Variants in FBXL17 observed in about 807,000 individuals in gnomAD.
FBXL17 encodes the protein F-box/LRR-repeat protein 17.
FBXL17 carries 22 observed loss-of-function variants against 66.2 expected under a neutral mutation model. The observed-to-expected ratio is 0.33, with a 90% CI of 0.24 to 0.47. The LOEUF is 0.47. Among genes scored for constraint, FBXL17 ranks in the 20% least tolerant of loss-of-function variants. The pLI is 1.00. For synonymous variants in FBXL17, 474 were observed against 400.5 expected (o/e 1.18, Z -2.19); for missense variants, 878 against 948.2 (o/e 0.93, Z 0.97).
At chr5:108,339,792 A>C (rs915731438) in intron 4 of FBXL17, among the ~76,000 whole-genome samples, 11 of 152,172 alleles carry the variant, frequency 7.2e-5, no homozygotes, top group Admixed American at 2.0e-4. Flanking sequence ...CATTATCCAC[A>C]CTGGGATATC....
chr5:108,152,474 G>C (rs1415264356), intron 6 of FBXL17, among the ~76,000 whole-genome samples: 1 of 152,090 alleles, frequency 6.6e-6, no homozygotes, highest in Non-Finnish European at 1.5e-5. Context: ...ACTGATAAGT[G>C]CATATACAGG....
chr5:108,033,668 T>C (rs548104943), intron 6 of FBXL17, among the ~76,000 whole-genome samples: 38 of 152,340 alleles, frequency 2.5e-4, no homozygotes, highest in Admixed American at 5.9e-4. Flanking sequence ...CAATTAGTTT[T>C]ATAAGAAACT....
chr5:108,183,198 G>A (rs158170), intron 6 of FBXL17, among the ~76,000 whole-genome samples: 30,745 of 151,710 alleles, frequency 0.2, 3,178 homozygotes, highest in South Asian at 0.32. Context: ...GTGCCACCAT[G>A]CCCAGCTAAT....
At chr5:108,339,809 G>A (rs766011259) in intron 4 of FBXL17, among the ~76,000 whole-genome samples, 5 of 152,086 alleles carry the variant, frequency 3.3e-5, no homozygotes, top group South Asian at 2.1e-4. Context: ...TATCCTTATC[G>A]GAGTTTTTAA....
intron 7 of FBXL17, among the ~76,000 whole-genome samples, chr5:107,883,676 T>C (rs1748868466): frequency 6.6e-6 from 1 of 152,174 alleles, no homozygotes; most frequent in South Asian, 2.1e-4. Context: ...CACTCCCTCA[T>C]TAGAACGACA....
intron 4 of FBXL17, among the ~76,000 whole-genome samples, chr5:108,268,010 T>G (rs962946516): frequency 1.3e-5 from 2 of 152,126 alleles, no homozygotes; most frequent in African/African-American, 4.8e-5. Flanking sequence ...TTTAGTTTTT[T>G]GTTGATTGCT....
At chr5:108,214,893 T>C (rs1754534512) in intron 5 of FBXL17, among the ~76,000 whole-genome samples, 1 of 152,202 alleles carries the variant, frequency 6.6e-6, no homozygotes, top group African/African-American at 2.4e-5. Flanking sequence ...AACATTCTCA[T>C]TAGACTGAAA....
At chr5:108,294,163 A>G (rs999559958) in intron 4 of FBXL17, among the ~76,000 whole-genome samples, 1 of 149,556 alleles carries the variant, frequency 6.7e-6, no homozygotes, top group Non-Finnish European at 1.5e-5. Context: ...TTTCTAACAT[A>G]AGCATTCAAA....
At chr5:108,049,152 C>T (rs1319903222) in intron 6 of FBXL17, among the ~76,000 whole-genome samples, 1 of 146,160 alleles carries the variant, frequency 6.8e-6, no homozygotes, top group Non-Finnish European at 1.5e-5. Context: ...ATTCAACATT[C>T]TTTTTTTTTT....
rs191767202 is a variant in FBXL17 at position 108,254,793 on chromosome 5, T to C, written c.1507-30565A>G. ...CAGCCCTACCCTCTGCTTTCTTTAA[T>C]AGGGCTCTTAGAAGCACTGCATTAA... On this transcript the variant is annotated intron_variant, in intron 4 of 8. Coordinates refer to ENST00000542267, the MANE Select transcript of FBXL17 (RefSeq NM_001163315.3). Among the ~76,000 whole-genome samples the C allele has an allele frequency of 9.8e-5, 15 of 152,338 alleles. No homozygotes were observed. The East Asian group carries it at 2.9e-3, about 29-fold the overall frequency.
At chr5:107,892,054 A>G (rs1433051) in intron 7 of FBXL17, among the ~76,000 whole-genome samples, 92,003 of 151,840 alleles carry the variant, frequency 0.61, 30,150 homozygotes, top group Admixed American at 0.72. Flanking sequence ...GGGCAAAATC[A>G]TCTAACACAA....
chr5:108,211,236 G>T (rs2150060997), intron 5 of FBXL17, among the ~76,000 whole-genome samples: 1 of 152,192 alleles, frequency 6.6e-6, no homozygotes, highest in South Asian at 2.1e-4. Context: ...CGTGAGATGG[G>T]TCTCCTGAAT....
At chr5:107,911,104 TA>T (rs2112547037) in intron 7 of FBXL17, among the ~76,000 whole-genome samples, 1 of 152,210 alleles carries the variant, frequency 6.6e-6, no homozygotes, top group South Asian at 2.1e-4. Context: ...AAGATAATTC[TA>T]AAAAGTAGTT....
intron 6 of FBXL17, among the ~76,000 whole-genome samples, chr5:108,104,686 A>G (rs750592030): frequency 7.9e-5 from 12 of 152,266 alleles, no homozygotes; most frequent in Non-Finnish European, 1.2e-4. Flanking sequence ...CAGTGAGTGC[A>G]ATAGATGATC....
intron 1 of FBXL17, among the ~76,000 whole-genome samples, chr5:108,370,033 C>T (rs1435557768): frequency 6.6e-6 from 1 of 152,114 alleles, no homozygotes; most frequent in Non-Finnish European, 1.5e-5. Context: ...GGCACATGTA[C>T]ACTCACTCAT....
chr5:108,266,850 T>G (rs1480593617), intron 4 of FBXL17, among the ~76,000 whole-genome samples: 1 of 152,156 alleles, frequency 6.6e-6, no homozygotes, highest in Non-Finnish European at 1.5e-5. Context: ...AACAGAAATG[T>G]GTTCTGATTG....
chr5:107,985,597 A>G (rs1390804417), intron 7 of FBXL17, among the ~76,000 whole-genome samples: 1 of 152,208 alleles, frequency 6.6e-6, no homozygotes, highest in Non-Finnish European at 1.5e-5. Context: ...TGAGAAACAT[A>G]AAATTACTTT....
intron 6 of FBXL17, among the ~76,000 whole-genome samples, chr5:108,161,488 A>ACAAC (rs1752217872): frequency 6.6e-6 from 1 of 151,390 alleles, no homozygotes; most frequent in Non-Finnish European, 1.5e-5. Context: ...TCTGTCTCAA[A>ACAAC]CAAACAAACA....
intron 4 of FBXL17, among the ~76,000 whole-genome samples, chr5:108,236,958 C>A (rs58899755): frequency 6.6e-6 from 1 of 152,018 alleles, no homozygotes; most frequent in Non-Finnish European, 1.5e-5. Flanking sequence ...CATATAGATT[C>A]GGGTTAGGAG....
Sources: gnomAD v4.1 joint callset for allele counts (sites outside exome capture counted in the v4.1 genomes callset) on GRCh38, gnomAD v4.1.1 for gene constraint, MANE v1.5 for transcripts, NCBI Gene and HGNC (gene_info 2026-07-23, HGNC 2026-07-21) for gene names.